XYLT1: variants seen among roughly 807,000 people sequenced by gnomAD.
XYLT1 encodes beta-D-xylosyltransferase 1.
XYLT1 carries 36 observed loss-of-function variants against 91.3 expected under a neutral mutation model. That is an observed-to-expected ratio of 0.39 (90% CI 0.30 to 0.52). XYLT1 has a LOEUF of 0.52. XYLT1 is among the 20% of genes least tolerant of loss of function. XYLT1 has a pLI of 0.68. For synonymous variants in XYLT1, 588 were observed against 532.0 expected, an observed-to-expected ratio of 1.11 and a Z score of -1.45; for missense variants, 1,242 against 1,284.5, an observed-to-expected ratio of 0.97 and a Z score of 0.51.
In XYLT1 at chr16:17,238,392, C is replaced by T. The variant is rs187822483; in HGVS notation, c.913+20596G>A. Among the ~76,000 whole-genome samples the T allele has an allele frequency of 1.8e-3, 281 of 152,300 alleles. 2 individuals are homozygous for T. Among genetic ancestry groups the T allele is most frequent in the Middle Eastern group, 0.01 (3 of 294 alleles). ...ATGGCCAAAAGTGCAACTACTTTTG[C>T]ACCAACCTAATAGTTTAGGCTTTTG... On this transcript the variant is annotated intron_variant, in intron 3 of 11. Transcript: ENST00000261381.
chr16:17,348,986 T>C (rs928113540), intron 2 of XYLT1, among the ~76,000 whole-genome samples: 3 of 152,226 alleles, frequency 2.0e-5, no homozygotes, highest in African/African-American at 7.2e-5. Flanking sequence ...CCACACTGCC[T>C]TGTTGCTCAG....
intron 1 of XYLT1, among the ~76,000 whole-genome samples, chr16:17,367,418 C>T (rs1017294708): frequency 1.3e-5 from 2 of 152,186 alleles, no homozygotes; most frequent in African/African-American, 4.8e-5. Context: ...ATAATTCATC[C>T]CGATAATTAG....
intron 1 of XYLT1, among the ~76,000 whole-genome samples, chr16:17,466,940 A>G (rs1343117520): frequency 6.6e-6 from 1 of 152,132 alleles, no homozygotes. Context: ...GTGGTCTCAG[A>G]ACATCTGGAT....
intron 3 of XYLT1, among the ~76,000 whole-genome samples, chr16:17,246,493 G>A (rs1399958693): frequency 6.6e-6 from 1 of 152,210 alleles, no homozygotes; most frequent in Non-Finnish European, 1.5e-5. Context: ...GAGCAGACAA[G>A]TTAAGGTGTG....
At chr16:17,189,300 C>T (rs916663273) in intron 5 of XYLT1, among the ~76,000 whole-genome samples, 1 of 152,194 alleles carries the variant, frequency 6.6e-6, no homozygotes, top group South Asian at 2.1e-4. Context: ...CTTTCCCGTT[C>T]AGCTGAGGTC....
In XYLT1 at chr16:17,411,634, G is replaced by T. The variant is rs79916704; in HGVS notation, c.364-53584C>A. 4.8e-3 allele frequency among the ~76,000 whole-genome samples: 727 copies of T among 152,276 alleles called. 21 individuals carry two copies. The highest frequency in any genetic ancestry group is 0.045 in the Admixed American group (682 of 15,288). ...GAAAACACCCCTTGGTTGCCTCTGA[G>T]TTTGGGGGTCACTGATCAAGAGGGT... is the stretch of plus-strand genomic sequence containing the variant. On this transcript the variant is annotated intron_variant, in intron 1 of 11. Coordinates refer to ENST00000261381, the MANE Select transcript of XYLT1 (RefSeq NM_022166.4).
intron 11 of XYLT1, among the ~76,000 whole-genome samples, chr16:17,114,826 A>AC (rs1966848689): frequency 6.5e-5 from 1 of 15,312 alleles, no homozygotes; most frequent in Non-Finnish European, 1.8e-4. Flanking sequence ...GGGAACATAC[A>AC]ATTTTTTTTT....
chr16:17,367,246 T>C (rs2035467013), intron 1 of XYLT1, among the ~76,000 whole-genome samples: 2 of 152,128 alleles, frequency 1.3e-5, no homozygotes, highest in African/African-American at 4.8e-5. Context: ...TCTCAGACCA[T>C]AAACAAGACC....
At chr16:17,242,852 G>A (rs1453909898) in intron 3 of XYLT1, among the ~76,000 whole-genome samples, 1 of 152,150 alleles carries the variant, frequency 6.6e-6, no homozygotes, top group South Asian at 2.1e-4. Flanking sequence ...TTGTGTAAGG[G>A]GGAATCACAC....
At chr16:17,283,426 A>G (rs1481651553) in intron 2 of XYLT1, among the ~76,000 whole-genome samples, 1 of 152,170 alleles carries the variant, frequency 6.6e-6, no homozygotes, top group Non-Finnish European at 1.5e-5. Context: ...AAGATGCCAA[A>G]CACAGCAAAG....
chr16:17,178,699 C>G (rs1452130476), intron 5 of XYLT1, among the ~76,000 whole-genome samples: 5 of 152,186 alleles, frequency 3.3e-5, no homozygotes, highest in Non-Finnish European at 5.9e-5. Context: ...CTTAGTATTA[C>G]AACAGCAGAG....
rs75443853 is a variant in XYLT1, at chr16:17,160,047, G to A, written c.1290-1138C>T. Reference sequence around the variant, plus strand: ...AAAAAACATCTCTGGGGTTATAATAGAAGCTAGACCTTCGAGAAGCAGGAC... The same window carrying A: ...AAAAAACATCTCTGGGGTTATAATAAAAGCTAGACCTTCGAGAAGCAGGAC... On this transcript the variant is annotated intron_variant, in intron 5 of 11. Transcript: ENST00000261381. 7.2e-3 allele frequency among the ~76,000 whole-genome samples: 1,099 copies of A among 152,318 alleles called. 13 individuals carry two copies. The highest frequency in any genetic ancestry group is 0.024 in the African/African-American group (988 of 41,564).
At chr16:17,448,852 C>A (rs995437998) in intron 1 of XYLT1, among the ~76,000 whole-genome samples, 13 of 152,096 alleles carry the variant, frequency 8.5e-5, no homozygotes, top group African/African-American at 1.2e-4. Flanking sequence ...CATGTATTAA[C>A]TCATTTATTT....
At chr16:17,233,469 T>C (rs539640869) in intron 3 of XYLT1, among the ~76,000 whole-genome samples, 1 of 152,082 alleles carries the variant, frequency 6.6e-6, no homozygotes, top group East Asian at 1.9e-4. Flanking sequence ...GAAATTTAAG[T>C]AGGAAGGTGT....
chr16:17,291,945 G>A (rs1454143713), intron 2 of XYLT1, among the ~76,000 whole-genome samples: 1 of 151,968 alleles, frequency 6.6e-6, no homozygotes, highest in Non-Finnish European at 1.5e-5. Context: ...CTAGCACTTA[G>A]GGAGGCCGAG....
intron 2 of XYLT1, among the ~76,000 whole-genome samples, chr16:17,347,862 A>C (rs1394112731): frequency 6.6e-6 from 1 of 152,226 alleles, no homozygotes; most frequent in Non-Finnish European, 1.5e-5. Flanking sequence ...GGCCACAGCC[A>C]GGAGCTGTCA....
chr16:17,336,005 C>T (rs2034974230), intron 2 of XYLT1, among the ~76,000 whole-genome samples: 1 of 152,132 alleles, frequency 6.6e-6, no homozygotes, highest in South Asian at 2.1e-4. Flanking sequence ...AAGGCTGCAA[C>T]AGAGAAGTTG....
chr16:17,165,585 C>T lies in XYLT1; in HGVS notation c.1290-6676G>A, dbSNP rs369547766. Among the ~76,000 whole-genome samples the T allele has an allele frequency of 2.3e-3, 344 of 151,960 alleles. 3 individuals carry two copies. Among genetic ancestry groups the T allele is most frequent in the African/African-American group, 7.7e-3 (321 of 41,502 alleles). ...GTGGGCGCCTGTAATCCCAGCTACT[C>T]GGAGGCTGAGGCATGAGAATTGCTT... is the stretch of plus-strand genomic sequence containing the variant. On this transcript the variant is annotated intron_variant, in intron 5 of 11. Coordinates refer to ENST00000261381, the MANE Select transcript of XYLT1 (RefSeq NM_022166.4).
chr16:17,140,343 G>A (rs2030928420), intron 7 of XYLT1, among the ~76,000 whole-genome samples: 1 of 152,106 alleles, frequency 6.6e-6, no homozygotes, highest in Non-Finnish European at 1.5e-5. Context: ...TTACATGATT[G>A]GTCATTGTGA....
Sources: allele counts gnomAD v4.1 joint callset (sites outside exome capture counted in the v4.1 genomes callset), GRCh38; gene constraint gnomAD v4.1.1; transcripts MANE v1.5; gene names NCBI Gene and HGNC (gene_info 2026-07-23, HGNC 2026-07-21).